The following DIP2B variants were observed in gnomAD, a reference collection of about 807,000 sequenced individuals.
DIP2B encodes the protein DIP2 acetate--CoA ligase B (putative).
In DIP2B, 76 loss-of-function variants were observed where a neutral mutation model predicts 198.0. That is an observed-to-expected ratio of 0.38 (90% CI 0.32 to 0.46). The LOEUF (loss-of-function observed/expected upper bound fraction) is 0.46, where lower values mean the gene tolerates loss of function less well. DIP2B is among the 20% of genes least tolerant of loss of function. DIP2B has a pLI of 0.99. For missense variants in DIP2B, 1,559 were observed against 1,978.4 expected, an observed-to-expected ratio of 0.79 and a Z score of 4.02; for synonymous variants, 701 against 739.1, an observed-to-expected ratio of 0.95 and a Z score of 0.84.
At chr12:50,723,953 AGG>A (rs1939886071) in intron 27 of DIP2B, among the ~76,000 whole-genome samples, 15 of 152,230 alleles carry the variant, frequency 9.9e-5, no homozygotes, top group Admixed American at 7.9e-4. Flanking sequence ...AAGTTTTTAT[AGG>A]ATATGAGAGT....
chr12:50,527,989 G>A (rs4768885), intron 1 of DIP2B, among the ~76,000 whole-genome samples: 88,207 of 149,882 alleles, frequency 0.59, 26,238 homozygotes, highest in South Asian at 0.71. Context: ...GTACAGTAGT[G>A]TAATCACGGC....
chr12:50,662,787 A>T (rs892446323), intron 4 of DIP2B, among the ~76,000 whole-genome samples: 4 of 150,292 alleles, frequency 2.7e-5, no homozygotes, highest in African/African-American at 9.8e-5. Context: ...TAAAGTCTTT[A>T]AAAAAAAAAT....
At chr12:50,726,852 G>C (rs6580762) in intron 28 of DIP2B, among the ~76,000 whole-genome samples, 145,624 of 152,140 alleles carry the variant, frequency 0.96, 70,031 homozygotes, top group East Asian at 1. Flanking sequence ...GTGGCTCATG[G>C]TTGTAATGCC....
At chr12:50,657,392 G>A (rs146711679) in intron 3 of DIP2B, among the ~76,000 whole-genome samples, 28 of 152,282 alleles carry the variant, frequency 1.8e-4, no homozygotes, top group Non-Finnish European at 4.0e-4. Context: ...TTTACAGTGA[G>A]TTTATTTAGC....
At chr12:50,529,285 C>G (rs969896514) in intron 1 of DIP2B, among the ~76,000 whole-genome samples, 8 of 152,172 alleles carry the variant, frequency 5.3e-5, no homozygotes, top group Non-Finnish European at 1.0e-4. Flanking sequence ...GAGTAAGACC[C>G]TGTCTCAAAC....
At chr12:50,599,283 C>A (rs543565787) in intron 1 of DIP2B, among the ~76,000 whole-genome samples, 3 of 144,204 alleles carry the variant, frequency 2.1e-5, no homozygotes, top group African/African-American at 7.6e-5. Flanking sequence ...CAGAGTGAGA[C>A]CCTGTCTCAA....
chr12:50,689,210 C>A (rs1229415905), intron 12 of DIP2B, among the ~76,000 whole-genome samples: 3 of 152,018 alleles, frequency 2.0e-5, no homozygotes, highest in African/African-American at 7.2e-5. Context: ...CGAGCCTGGG[C>A]AACATGGCGA....
intron 1 of DIP2B, among the ~76,000 whole-genome samples, chr12:50,624,488 A>G (rs956355662): frequency 6.6e-5 from 10 of 152,050 alleles, no homozygotes; most frequent in Non-Finnish European, 1.2e-4. Flanking sequence ...ATGTGCCACC[A>G]CACCCAGCTA....
chr12:50,651,088 G>A (rs543392499), intron 3 of DIP2B, among the ~76,000 whole-genome samples: 2 of 152,280 alleles, frequency 1.3e-5, no homozygotes, highest in South Asian at 4.1e-4. Flanking sequence ...CTTGAAGAAA[G>A]TGATGTTGAG....
At chr12:50,680,277 A>AAC (rs1555192344) in intron 8 of DIP2B, 1 of 153,540 alleles carries the variant, frequency 6.5e-6, no homozygotes, top group East Asian at 1.9e-4. Flanking sequence ...AAAAAAAAAA[A>AAC]AAAAACTTAG....
rs111945847 is a variant in DIP2B at position 50,577,121 on chromosome 12, A to G, written c.101-48855A>G. Among the ~76,000 whole-genome samples, 1,463 of 152,164 alleles carry G rather than the reference A, an allele frequency of 9.6e-3. 15 individuals carry two copies. Among genetic ancestry groups the G allele is most frequent in the Middle Eastern group, 0.065 (19 of 294 alleles). Reference sequence around the variant, plus strand: ...GCCCAGTCAAGACTTTAAATTTTTAACTTCTTGTTCTTTATCTGTGATCAT... The same window carrying G: ...GCCCAGTCAAGACTTTAAATTTTTAGCTTCTTGTTCTTTATCTGTGATCAT... On this transcript the variant is annotated intron_variant, in intron 1 of 37. Coordinates refer to ENST00000301180, the MANE Select transcript of DIP2B (RefSeq NM_173602.3).
At chr12:50,642,397 C>T (rs1938271584) in intron 3 of DIP2B, among the ~76,000 whole-genome samples, 2 of 152,190 alleles carry the variant, frequency 1.3e-5, no homozygotes, top group Admixed American at 6.5e-5. Flanking sequence ...GTATTTGTTC[C>T]AGTAGCTCAC....
At position 50,671,330 on chromosome 12, in the gene DIP2B, C is replaced by T. The variant is rs776190161; in HGVS notation, c.572C>T (p.Thr191Met). The T allele has an allele frequency of 3.7e-6, 6 of 1,614,132 alleles. No individual in the cohort carries two copies. Among genetic ancestry groups the T allele is most frequent in the Non-Finnish European group, 4.2e-6 (5 of 1,180,028 alleles). ...TCCACTTCTTCATCCGCATCTTCTA[C>T]GCTGTCCCACGGAGAGGTCAAAGGA... Reference protein sequence around the residue: ...GSSTSSSASSTLSHGEVKGTS... With the variant: ...GSSTSSSASSMLSHGEVKGTS... The change falls in exon 5 of 38, where the codon ACG (threonine) becomes ATG (methionine). Residue 191 changes from threonine (T) to methionine (M), a missense_variant. Physicochemically the swap from Thr to Met is moderately conservative, Grantham distance 81. Coordinates refer to ENST00000301180, the MANE Select transcript of DIP2B (RefSeq NM_173602.3).
At chr12:50,696,034 G>T (rs370007654) in intron 16 of DIP2B, 67 bp downstream of exon 16, 2 of 1,593,734 alleles carry the variant, frequency 1.3e-6, no homozygotes. Context: ...TTTTCGCCCT[G>T]TACTAAGATA....
At position 50,717,387 on chromosome 12, in the gene DIP2B, A is replaced by G. The variant is rs547275245; in HGVS notation, c.2852-1322A>G. 2.2e-3 allele frequency among the ~76,000 whole-genome samples: 181 copies of G among 81,662 alleles called. 1 individual carries two copies. The South Asian group carries it at 0.049, about 22-fold the overall frequency. 53.6% of individuals were successfully genotyped at this position (81,662 alleles called of 152,430 possible). The stretch of plus-strand genomic sequence containing the variant: ...TTTTTTTTTTTTTTTTTTTTTTGAG[A>G]TGGAGTCTCGCACTGTCGCCCAGGC... On this transcript the variant is annotated intron_variant, in intron 23 of 37. Transcript: ENST00000301180.
At chr12:50,579,009 T>G (rs1958689624) in intron 1 of DIP2B, among the ~76,000 whole-genome samples, 1 of 152,210 alleles carries the variant, frequency 6.6e-6, no homozygotes, top group African/African-American at 2.4e-5. Context: ...ACCTAGTCCA[T>G]GCACTCACGG....
intron 4 of DIP2B, among the ~76,000 whole-genome samples, chr12:50,663,555 C>CAGATAAATAAAT (rs1555191039): frequency 1.4e-3 from 195 of 141,912 alleles, no homozygotes; most frequent in African/African-American, 5.0e-3. Context: ...GACTCCGTCT[C>CAGATAAATAAAT]AAATAAATAA....
chr12:50,516,742 A>C (rs1441496903), intron 1 of DIP2B, among the ~76,000 whole-genome samples: 2 of 151,844 alleles, frequency 1.3e-5, no homozygotes, highest in African/African-American at 4.8e-5. Flanking sequence ...TGGGAGGCCA[A>C]GGTGGGCGGA....
At chr12:50,539,236 CTTTTTTT>C (rs11336743) in intron 1 of DIP2B, among the ~76,000 whole-genome samples, 1 of 135,362 alleles carries the variant, frequency 7.4e-6, no homozygotes, top group Admixed American at 7.4e-5. Context: ...TTTCTTTTTT[CTTTTTTT>C]TTTTTTTGAC....
Sources: gnomAD v4.1 joint callset for allele counts (sites outside exome capture counted in the v4.1 genomes callset) on GRCh38, gnomAD v4.1.1 for gene constraint, MANE v1.5 for transcripts, NCBI Gene and HGNC (gene_info 2026-07-23, HGNC 2026-07-21) for gene names.